HOXB2: variants seen among roughly 807,000 people sequenced by gnomAD.
The protein encoded by HOXB2 is homeobox protein Hox-B2.
HOXB2 carries 14 observed loss-of-function variants against 13.1 expected under a neutral mutation model. The observed-to-expected ratio is 1.07, with a 90% CI of 0.71 to 1.67. HOXB2 has a LOEUF of 1.67. HOXB2 is among the 40% of genes most tolerant of loss of function. The probability of loss-of-function intolerance (pLI) is 0.00; values close to 1 mark genes in which losing one functional copy is unlikely to be tolerated. For missense variants in HOXB2, 582 were observed against 488.3 expected, an observed-to-expected ratio of 1.19 and a Z score of -1.81; for synonymous variants, 261 against 233.1, an observed-to-expected ratio of 1.12 and a Z score of -1.09.
Position 48,543,350 on chromosome 17 carries a change from TA to T in HOXB2, c.788del (p.Leu263Ter). ...CGCCTGCGCCCTCTAAGCGAACGGC[TA>T]AAGGCCGGGGGTCCGCGCTTAAGGC... ...PGALSADPRPLAVRLEGAGAS... is the reference protein window; with the variant it reads ...PGALSADPRPXAVRLEGAGAS... On this transcript the variant is annotated frameshift_variant, in exon 2 of 2. Transcript: ENST00000330070. LOFTEE classifies it low-confidence loss of function (END_TRUNC). The T allele has an allele frequency of 6.3e-7, 1 of 1,596,642 alleles. No individual in the cohort carries two copies. The highest frequency in any genetic ancestry group is 8.5e-7 in the Non-Finnish European group (1 of 1,175,542).
Position 48,543,377 on chromosome 17 carries a change from C to T in HOXB2, c.762G>A (p.Gly254=), listed in dbSNP as rs1224009127. 4 of 1,588,262 alleles carry T rather than the reference C, an allele frequency of 2.5e-6. No individual in the cohort carries two copies. The highest frequency in any genetic ancestry group is 1.7e-6 in the Non-Finnish European group (2 of 1,170,938). The change falls in exon 2 of 2, where the codon GGG becomes GGA. Residue 254 remains glycine (G), a synonymous_variant. Coordinates refer to ENST00000330070, the MANE Select transcript of HOXB2 (RefSeq NM_002145.4). ...ACCHPPEVVP[G]ALSADPRPLA... is the part of the protein sequence containing the mutation. ...AAGGCCGGGGGTCCGCGCTTAAGGC[C>T]CCCGGCACCACCTCCGGCGGGTGAC...
intron 1 of HOXB2, chr17:48,544,164 G>A (rs1598739003): frequency 1.0e-6 from 1 of 985,300 alleles, no homozygotes; most frequent in Non-Finnish European, 1.2e-6. Context: ...GGGCAGAAAG[G>A]ACCGAATCTT....
chr17:48,544,869 G>A lies in HOXB2; in HGVS notation c.43C>T (p.Gln15Ter). The A allele has an allele frequency of 1.2e-6, 2 of 1,613,220 alleles. No homozygotes were observed. The highest frequency in any genetic ancestry group is 1.7e-6 in the Non-Finnish European group (2 of 1,179,810). ...FEREIGFINS[Q>*]PSLAECLTSF... is the part of the protein sequence containing the mutation. ...GTCAGACACTCGGCGAGCGACGGCTGGCTGTTTATAAACCCAATCTCCCTC... is the reference window on the plus strand; with the variant it reads ...GTCAGACACTCGGCGAGCGACGGCTAGCTGTTTATAAACCCAATCTCCCTC... Residue 15 changes from glutamine to a stop codon, truncating the protein, a stop_gained, in exon 1 of 2, where the codon CAG becomes TAG. Transcript: ENST00000330070. LOFTEE classifies it high-confidence loss of function.
At chr17:48,543,798 C>A (rs376622205) in intron 1 of HOXB2, 51 bp from the exon 2 acceptor site, 84 of 1,528,962 alleles carry the variant, frequency 5.5e-5, no homozygotes, top group Non-Finnish European at 7.1e-5. Flanking sequence ...CTCAGCCCAA[C>A]CTCAGTTCGG....
Position 48,543,375 on chromosome 17 carries a change from GC to G in HOXB2, c.763del (p.Ala255ProfsTer2). The G allele has an allele frequency of 2.5e-6, 4 of 1,588,850 alleles. No individual in the cohort carries two copies. The highest frequency in any genetic ancestry group is 3.5e-5 in the Admixed American group (2 of 56,634). On this transcript the variant is annotated frameshift_variant, in exon 2 of 2. Transcript: ENST00000330070. LOFTEE classifies it low-confidence loss of function (END_TRUNC). Reference protein sequence around the residue: ...CCHPPEVVPGALSADPRPLAV... With the variant: ...CCHPPEVVPGXLSADPRPLAV... ...TAAAGGCCGGGGGTCCGCGCTTAAG[GC>G]CCCCGGCACCACCTCCGGCGGGTGA...
intron 1 of HOXB2, 190 bp downstream of exon 1, chr17:48,544,331 C>G: frequency 1.5e-6 from 2 of 1,331,506 alleles, no homozygotes; most frequent in Non-Finnish European, 1.9e-6. Flanking sequence ...GAGAGAGAGA[C>G]AGAAAAAAAA....
chr17:48,543,923 A>C, intron 1 of HOXB2, 176 bp from the exon 2 acceptor site: 1 of 1,363,860 alleles, frequency 7.3e-7, no homozygotes, highest in Non-Finnish European at 9.3e-7. Context: ...CTCCCTCTCT[A>C]GTCTACAGCC....
Position 48,543,559 on chromosome 17 carries a change from G to C in HOXB2, c.580C>G (p.Arg194Gly). 2 of 1,613,236 alleles carry C rather than the reference G, an allele frequency of 1.2e-6. No individual in the cohort carries two copies. The highest frequency in any genetic ancestry group is 1.7e-6 in the Non-Finnish European group (2 of 1,179,984). ...GTCTGCCGCTTGTGCTTCATGCGCC[G>C]GTTCTGAAACCAGACTTTGACCTGC... ...ERQVKVWFQN[R>G]RMKHKRQTQH... Residue 194 changes from arginine (R) to glycine (G), a missense_variant, in exon 2 of 2, where the codon CGG becomes GGG. Coordinates refer to ENST00000330070, the MANE Select transcript of HOXB2 (RefSeq NM_002145.4).
In HOXB2 at chr17:48,543,014, C is replaced by T; in HGVS notation, c.*54G>A. On this transcript the variant is annotated 3_prime_UTR_variant, in exon 2 of 2. Coordinates refer to ENST00000330070, the MANE Select transcript of HOXB2 (RefSeq NM_002145.4). ...TGAGGGTGGGAGAGGCTCGATTTTT[C>T]CAGTAGACGGCCAAGGAGCGCGGGG... 3.9e-5 allele frequency: 56 copies of T among 1,450,984 alleles called. No homozygotes were observed. In the East Asian group the frequency reaches 7.4e-4, roughly 19 times the overall value. The allele number at this position is 1,450,984 out of a possible 1,614,324, so 89.9% of individuals were successfully genotyped here. A position where few individuals can be genotyped will look rare whatever the true frequency, so the allele number is the denominator to read the frequency against.
Position 48,543,714 on chromosome 17 carries a change from C to A in HOXB2, c.425G>T (p.Gly142Val). ...GLGLPEAGGG[G>V]ARRLRTAYTN... ...GTAAGCCGTGCGCAGCCTGCGCGCCCCGCCGCCACCAGCCTCCGGCAGTCC... is the reference window on the plus strand; with the variant it reads ...GTAAGCCGTGCGCAGCCTGCGCGCCACGCCGCCACCAGCCTCCGGCAGTCC... The change falls in exon 2 of 2, where the codon GGG becomes GTG. Residue 142 changes from glycine to valine, a missense_variant. Gly to Val is a moderately radical substitution (Grantham distance 109, BLOSUM62 -3). Coordinates refer to ENST00000330070, the MANE Select transcript of HOXB2 (RefSeq NM_002145.4). 1 of 1,608,546 alleles carries A rather than the reference C, an allele frequency of 6.2e-7. No individual in the cohort carries two copies. Among genetic ancestry groups the A allele is most frequent in the Non-Finnish European group, 8.5e-7 (1 of 1,177,196 alleles).
In HOXB2 at chr17:48,544,876, T is replaced by C. The variant is rs141388184; in HGVS notation, c.36A>G (p.Ile12Met). The C allele has an allele frequency of 1.9e-4, 275 of 1,479,876 alleles. No homozygotes were observed. In the African/African-American group the frequency reaches 3.6e-3, roughly 19 times the overall value. The allele number at this position is 1,479,876 out of a possible 1,614,324, so 91.7% of individuals were successfully genotyped here. ...NFEFEREIGF[I>M]NSQPSLAECL... Reference sequence around the variant, plus strand: ...ACTCGGCGAGCGACGGCTGGCTGTTTATAAACCCAATCTCCCTCTCAAATT... The same window carrying C: ...ACTCGGCGAGCGACGGCTGGCTGTTCATAAACCCAATCTCCCTCTCAAATT... Residue 12 changes from isoleucine (I) to methionine (M), a missense_variant, in exon 1 of 2, where the codon ATA (isoleucine) becomes ATG (methionine). By Grantham distance (10) the Ile-to-Met change is conservative. Coordinates refer to ENST00000330070, the MANE Select transcript of HOXB2 (RefSeq NM_002145.4).
rs965192853 is a variant in HOXB2, at chr17:48,543,089, G to A, written c.1050C>T (p.Ala350=). The change falls in exon 2 of 2, where the codon GCC becomes GCT. Residue 350 remains alanine (A), a synonymous_variant. Coordinates refer to ENST00000330070, the MANE Select transcript of HOXB2 (RefSeq NM_002145.4). ...CAGGTTAGGGAAACTGCAGGTCGAT[G>A]GCACAGAGCGTACTGGTGAAAAAAT... ...ELDFFTSTLC[A]IDLQFP 2 of 1,604,960 alleles carry A rather than the reference G, an allele frequency of 1.2e-6. No individual in the cohort carries two copies. Among genetic ancestry groups the A allele is most frequent in the Admixed American group, 1.7e-5 (1 of 57,778 alleles).
In HOXB2 at chr17:48,543,440, G is replaced by T; in HGVS notation, c.699C>A (p.Gly233=). The T allele has an allele frequency of 2.5e-6, 4 of 1,598,652 alleles. No homozygotes were observed. The highest frequency in any genetic ancestry group is 3.4e-6 in the Non-Finnish European group (4 of 1,174,550). Residue 233 remains glycine (G), a synonymous_variant, in exon 2 of 2, where the codon GGC becomes GGA. Transcript: ENST00000330070. ...ACGCCGCCCGCGAGGCGGAGGGGCC[G>T]CCCGGGCTGGCCGCGGGTTCCTCGG... is the stretch of plus-strand genomic sequence containing the variant. ...DPAEEPAASP[G]GPSASRAAWE...
chr17:48,544,747 G>A lies in HOXB2; in HGVS notation c.165C>T (p.Ser55=), dbSNP rs1389680976. 6.2e-7 allele frequency: 1 copy of A among 1,614,042 alleles called. No individual in the cohort carries two copies. The highest frequency in any genetic ancestry group is 2.2e-5 in the East Asian group (1 of 44,892). Reference sequence around the variant, plus strand: ...GAAGGGTGGAGGCGCCGGGCTGGAGGCTGGGGAAGGTTTGCTCGAAAGGAG... The same window carrying A: ...GAAGGGTGGAGGCGCCGGGCTGGAGACTGGGGAAGGTTTGCTCGAAAGGAG... ...PPPPFEQTFP[S]LQPGASTLQR... is the part of the protein sequence containing the mutation. Residue 55 remains serine (S), a synonymous_variant, in exon 1 of 2, where the codon AGC becomes AGT. Transcript: ENST00000330070.
intron 1 of HOXB2, 188 bp downstream of exon 1, chr17:48,544,333 G>C (rs1445792838): frequency 1.5e-4 from 186 of 1,214,392 alleles, no homozygotes; most frequent in Non-Finnish European, 1.6e-4. Context: ...GAGAGAGACA[G>C]AAAAAAAAAA....
In HOXB2 at chr17:48,543,282, T is replaced by G; in HGVS notation, c.857A>C (p.Glu286Ala). 1 of 1,600,354 alleles carries G rather than the reference T, an allele frequency of 6.2e-7. No individual in the cohort carries two copies. Among genetic ancestry groups the G allele is most frequent in the African/African-American group, 1.4e-5 (1 of 73,672 alleles). The change falls in exon 2 of 2, where the codon GAG becomes GCG. Residue 286 changes from glutamate (E) to alanine (A), a missense_variant. By Grantham distance (107) the Glu-to-Ala change is moderately radical. Coordinates refer to ENST00000330070, the MANE Select transcript of HOXB2 (RefSeq NM_002145.4). ...GCALRGAGGLEPGPLPEDVFS... is the reference protein window; with the variant it reads ...GCALRGAGGLAPGPLPEDVFS... ...GACGTCTTCTGGCAATGGCCCGGGCTCCAGCCCGCCGGCCCCGCGCAGCGC... is the reference window on the plus strand; with the variant it reads ...GACGTCTTCTGGCAATGGCCCGGGCGCCAGCCCGCCGGCCCCGCGCAGCGC...
chr17:48,543,792 G>A, intron 1 of HOXB2, 45 bp from the exon 2 acceptor site: 2 of 1,538,728 alleles, frequency 1.3e-6, no homozygotes, highest in Admixed American at 1.9e-5. Context: ...CGTGTACTCA[G>A]CCCAACCTCA....
In HOXB2 at chr17:48,544,940, T is replaced by TGGGGGGGGGGGGGGGTGGG; in HGVS notation, c.-30_-29insCCCACCCCCCCCCCCCCCC. On this transcript the variant is annotated 5_prime_UTR_variant, in exon 1 of 2. Transcript: ENST00000330070. ...TTTCAATGGTGGGGGAGGGGGCTGC[T>TGGGGGGGGGGGGGGGTGGG]GGGGGGGGCGTCAGGAGGGAGGATC... 3 of 271,682 alleles carry TGGGGGGGGGGGGGGGTGGG rather than the reference T, an allele frequency of 1.1e-5. No individual in the cohort carries two copies. The highest frequency in any genetic ancestry group is 1.8e-5 in the Non-Finnish European group (3 of 170,484). 16.8% of individuals were successfully genotyped at this position (271,682 alleles called of 1,614,324 possible).
Position 48,543,158 on chromosome 17 carries a change from C to CT in HOXB2, c.980dup (p.Ser329PhefsTer72). On this transcript the variant is annotated frameshift_variant, in exon 2 of 2. Coordinates refer to ENST00000330070, the MANE Select transcript of HOXB2 (RefSeq NM_002145.4). LOFTEE classifies it high-confidence loss of function. The stretch of plus-strand genomic sequence containing the variant: ...AAGGGACCGGGCTGTCGAGAGAACC[C>CT]TGTAGGCTAGGGGAGAGGCCTCCGG... 6.2e-7 allele frequency: 1 copy of CT among 1,613,908 alleles called. No individual in the cohort carries two copies. Among genetic ancestry groups the CT allele is most frequent in the Non-Finnish European group, 8.5e-7 (1 of 1,179,974 alleles).
Sources: allele counts gnomAD v4.1 joint callset, GRCh38; gene constraint gnomAD v4.1.1; transcripts MANE v1.5; gene names NCBI Gene and HGNC (gene_info 2026-07-23, HGNC 2026-07-21).